The following MDGA2 variants were observed in gnomAD, a reference collection of about 807,000 sequenced individuals.
The protein encoded by MDGA2 is MAM domain containing glycosylphosphatidylinositol anchor 2.
In MDGA2, 40 loss-of-function variants were observed where a neutral mutation model predicts 117.8. That is an observed-to-expected ratio of 0.34 (90% CI 0.26 to 0.44). MDGA2 has a LOEUF of 0.44. Ranked by LOEUF, MDGA2 falls within the 20% of genes least tolerant of loss-of-function variation. The pLI, the probability that MDGA2 is intolerant of heterozygous loss-of-function variation, is 1.00. For synonymous variants in MDGA2, 452 were observed against 439.0 expected (o/e 1.03, Z -0.37); for missense variants, 1,123 against 1,250.6 (o/e 0.90, Z 1.54).
At position 46,966,248 on chromosome 14, in the gene MDGA2, A is replaced by G. The variant is rs141234388; in HGVS notation, c.1820-8605T>C. Among the ~76,000 whole-genome samples, 652 of 152,346 alleles carry G rather than the reference A, an allele frequency of 4.3e-3. 7 individuals are homozygous for G. Among genetic ancestry groups the G allele is most frequent in the African/African-American group, 0.015 (621 of 41,582 alleles). ...TAAGCAAGTCACCCAGCTAAAAAGT[A>G]GCAGACTAAGGAATCAAACAAGGCA... On this transcript the variant is annotated intron_variant, in intron 8 of 16. Transcript: ENST00000399232.
At chr14:47,177,497 TG>T in intron 3 of MDGA2, among the ~76,000 whole-genome samples, 1 of 152,292 alleles carries the variant, frequency 6.6e-6, no homozygotes, top group Middle Eastern at 3.4e-3. Context: ...TCATGTCCTT[TG>T]TAGGGACATG....
At chr14:46,975,605 C>A (rs191889934) in intron 8 of MDGA2, among the ~76,000 whole-genome samples, 1 of 152,186 alleles carries the variant, frequency 6.6e-6, no homozygotes, top group East Asian at 1.9e-4. Flanking sequence ...AAGACAAATA[C>A]TTTATGATTT....
rs1489745986 is a variant in MDGA2 at position 47,267,564 on chromosome 14, T to C, written c.420+33847A>G. On this transcript the variant is annotated intron_variant, in intron 2 of 16. Transcript: ENST00000399232. ...GCAAATAGAAACTTTGTCACAATAA[T>C]TTAATTTTTCCATTATTTTCTGGAA... 4.6e-5 allele frequency among the ~76,000 whole-genome samples: 7 copies of C among 152,262 alleles called. No homozygotes were observed. The East Asian group carries it at 1.4e-3, about 29-fold the overall frequency.
At chr14:47,063,559 A>G (rs1356806063) in intron 6 of MDGA2, among the ~76,000 whole-genome samples, 1 of 152,028 alleles carries the variant, frequency 6.6e-6, no homozygotes, top group African/African-American at 2.4e-5. Flanking sequence ...TACAGTACAA[A>G]GCAAATCATA....
chr14:47,415,676 T>C (rs1349940448), intron 1 of MDGA2, among the ~76,000 whole-genome samples: 1 of 152,166 alleles, frequency 6.6e-6, no homozygotes, highest in Non-Finnish European at 1.5e-5. Context: ...ACAAGGTATA[T>C]GACTAAATAT....
intron 16 of MDGA2, among the ~76,000 whole-genome samples, chr14:46,843,495 G>A (rs564170073): frequency 5.8e-4 from 89 of 152,192 alleles, no homozygotes; most frequent in African/African-American, 2.1e-3. Context: ...TAGAAAAACT[G>A]TTCTTTTGAG....
chr14:47,462,400 A>G (rs1893510039), intron 1 of MDGA2, among the ~76,000 whole-genome samples: 3 of 151,924 alleles, frequency 2.0e-5, no homozygotes, highest in Admixed American at 2.0e-4. Context: ...AAAGAAAGAA[A>G]AAAAAGGTGT....
At chr14:47,058,170 T>C (rs1350876267) in intron 7 of MDGA2, among the ~76,000 whole-genome samples, 3 of 152,016 alleles carry the variant, frequency 2.0e-5, no homozygotes, top group Admixed American at 1.3e-4. Flanking sequence ...AATTGAATGA[T>C]GAAGAATTAA....
chr14:47,038,583 T>C (rs1031765388), intron 7 of MDGA2, among the ~76,000 whole-genome samples: 4 of 152,098 alleles, frequency 2.6e-5, no homozygotes, highest in African/African-American at 9.7e-5. Flanking sequence ...AATTGATTTT[T>C]AGATAAATTA....
At chr14:47,313,458 T>TTTTGC (rs2139849336) in intron 1 of MDGA2, among the ~76,000 whole-genome samples, 1 of 151,856 alleles carries the variant, frequency 6.6e-6, no homozygotes, top group South Asian at 2.1e-4. Flanking sequence ...TCCTCTTTTG[T>TTTTGC]TTTGTTTTGT....
intron 10 of MDGA2, among the ~76,000 whole-genome samples, chr14:46,895,253 A>C (rs1883030208): frequency 6.6e-6 from 1 of 152,098 alleles, no homozygotes; most frequent in African/African-American, 2.4e-5. Flanking sequence ...CGTGATAGTG[A>C]GTGAGTTCTC....
intron 5 of MDGA2, among the ~76,000 whole-genome samples, chr14:47,110,150 T>C (rs960299686): frequency 2.8e-5 from 4 of 141,422 alleles, no homozygotes; most frequent in Admixed American, 7.2e-5. Context: ...TCTATCAAAA[T>C]GTAATGCACC....
At chr14:47,346,773 C>T (rs546205975) in intron 1 of MDGA2, among the ~76,000 whole-genome samples, 4 of 151,910 alleles carry the variant, frequency 2.6e-5, no homozygotes, top group Non-Finnish European at 5.9e-5. Flanking sequence ...ACTGGGAATA[C>T]AATAATAGAT....
chr14:47,506,886 T>C (rs1215384319), intron 1 of MDGA2, among the ~76,000 whole-genome samples: 4 of 151,784 alleles, frequency 2.6e-5, no homozygotes, highest in African/African-American at 4.8e-5. Flanking sequence ...ATCTCTAAAA[T>C]CCAGAGTTTA....
chr14:47,180,778 G>T (rs182261690), intron 3 of MDGA2, among the ~76,000 whole-genome samples: 1 of 151,942 alleles, frequency 6.6e-6, no homozygotes, highest in East Asian at 1.9e-4. Flanking sequence ...AAAATTAGCC[G>T]GTCATGATGG....
At chr14:47,247,244 G>T (rs994142256) in intron 2 of MDGA2, among the ~76,000 whole-genome samples, 8 of 151,462 alleles carry the variant, frequency 5.3e-5, no homozygotes, top group Non-Finnish European at 8.9e-5. Context: ...AACTCCTCCG[G>T]GTGTGGAGAC....
At chr14:47,651,649 G>A (rs1298878940) in intron 1 of MDGA2, among the ~76,000 whole-genome samples, 5 of 152,030 alleles carry the variant, frequency 3.3e-5, no homozygotes, top group African/African-American at 1.2e-4. Flanking sequence ...TGAGGAAGGG[G>A]TACTCACAGG....
chr14:47,534,341 C>A (rs1374892319), intron 1 of MDGA2, among the ~76,000 whole-genome samples: 1 of 152,082 alleles, frequency 6.6e-6, no homozygotes, highest in Non-Finnish European at 1.5e-5. Context: ...TTGGTGCCAA[C>A]AAAAATAGCA....
chr14:47,134,502 A>G (rs2139164281), intron 4 of MDGA2, among the ~76,000 whole-genome samples: 1 of 152,122 alleles, frequency 6.6e-6, no homozygotes, highest in Non-Finnish European at 1.5e-5. Flanking sequence ...CTGTTACTCT[A>G]GTAATGATTT....
Sources: allele counts gnomAD v4.1 joint callset (sites outside exome capture counted in the v4.1 genomes callset), GRCh38; gene constraint gnomAD v4.1.1; transcripts MANE v1.5; gene names NCBI Gene and HGNC (gene_info 2026-07-23, HGNC 2026-07-21).